The following LARGE1 variants were observed in gnomAD, a reference collection of about 807,000 sequenced individuals.
LARGE1 encodes the protein LARGE xylosyl- and glucuronyltransferase 1, also known as xylosyl- and glucuronyltransferase LARGE1.
A neutral mutation model predicts 87.6 loss-of-function variants in LARGE1; 43 were observed. That is an observed-to-expected ratio of 0.49 (90% confidence interval 0.38 to 0.63). The LOEUF (loss-of-function observed/expected upper bound fraction) is 0.63, where lower values mean the gene tolerates loss of function less well. Among genes scored for constraint, LARGE1 ranks in the 30% least tolerant of loss-of-function variants. The pLI, the probability that LARGE1 is intolerant of heterozygous loss-of-function variation, is 0.00. For missense variants in LARGE1, 802 were observed against 1,000.2 expected, an observed-to-expected ratio of 0.80 and a Z score of 2.67; for synonymous variants, 434 against 394.6, an observed-to-expected ratio of 1.10 and a Z score of -1.18.
At chr22:33,246,175 A>G (rs757390219) in intron 11 of LARGE1, among the ~76,000 whole-genome samples, 9 of 152,146 alleles carry the variant, frequency 5.9e-5, no homozygotes, top group Non-Finnish European at 1.3e-4. Flanking sequence ...TTAGGGTGAT[A>G]TGAGAATTTT....
At chr22:33,290,406 T>C (rs908645242) in intron 12 of LARGE1, among the ~76,000 whole-genome samples, 15 of 152,200 alleles carry the variant, frequency 9.9e-5, no homozygotes, top group Non-Finnish European at 1.9e-4. Flanking sequence ...AATTAATCTC[T>C]TGGTTCTGCA....
intron 1 of LARGE1, among the ~76,000 whole-genome samples, chr22:33,917,449 C>G (rs914151278): frequency 6.6e-6 from 1 of 152,098 alleles, no homozygotes; most frequent in Non-Finnish European, 1.5e-5. Context: ...GCAACTACAC[C>G]GTCAAATGTT....
rs761232777 is a variant in LARGE1 at position 33,337,705 on chromosome 22, T to A, written c.1228A>T (p.Asn410Tyr). ...CCAAACAGTTCCCGCCTCAGAAGAT[T>A]GCCGTCATACTCCAGGAAGGTCAGG... ...LYLTFLEYDG[N>Y]LLRRELFGCP... Residue 410 changes from asparagine (N) to tyrosine (Y), a missense_variant, in exon 10 of 15, where the codon AAT becomes TAT. Asn to Tyr is a moderately radical substitution (Grantham distance 143). Coordinates refer to ENST00000397394, the MANE Select transcript of LARGE1 (RefSeq NM_133642.5). 6.2e-7 allele frequency: 1 copy of A among 1,614,148 alleles called. No homozygotes were observed. Among genetic ancestry groups the A allele is most frequent in the South Asian group, 1.1e-5 (1 of 91,082 alleles).
chr22:33,890,100 G>A (rs2064965901), intron 1 of LARGE1, among the ~76,000 whole-genome samples: 1 of 152,244 alleles, frequency 6.6e-6, no homozygotes, highest in Non-Finnish European at 1.5e-5. Context: ...ACAGTGGTCT[G>A]AAGATAGAGG....
chr22:33,620,427 G>T (rs1358475831), intron 4 of LARGE1, among the ~76,000 whole-genome samples: 1 of 152,162 alleles, frequency 6.6e-6, no homozygotes, highest in African/African-American at 2.4e-5. Flanking sequence ...ACTGGGATTG[G>T]AGTCACAGGC....
chr22:33,628,556 T>A (rs1470639417), intron 3 of LARGE1, among the ~76,000 whole-genome samples: 1 of 152,138 alleles, frequency 6.6e-6, no homozygotes, highest in East Asian at 1.9e-4. Context: ...CCTCAAGTGA[T>A]CCACTCACCT....
chr22:33,171,865 G>A (rs1159978610), intron 11 of LARGE1, among the ~76,000 whole-genome samples: 2 of 152,252 alleles, frequency 1.3e-5, no homozygotes, highest in African/African-American at 2.4e-5. Flanking sequence ...GCACTGCCTA[G>A]TGAGAAGAGG....
chr22:33,823,273 T>C, intron 1 of LARGE1, among the ~76,000 whole-genome samples: 1 of 152,242 alleles, frequency 6.6e-6, no homozygotes, highest in South Asian at 2.1e-4. Context: ...TGTGTGTGTA[T>C]GTACACATGT....
chr22:33,120,363 T>TTTCC, the LARGE1 span, among the ~76,000 whole-genome samples: 137 of 84,960 alleles, frequency 1.6e-3, 2 homozygotes, highest in Non-Finnish European at 1.4e-3. Flanking sequence ...TTTCTTTTTC[T>TTTCC]TTCTTTCTTT....
chr22:33,819,950 AG>A (rs774426972), intron 1 of LARGE1, among the ~76,000 whole-genome samples: 40 of 152,158 alleles, frequency 2.6e-4, no homozygotes, highest in Admixed American at 5.2e-4. Flanking sequence ...CCCTACCCGC[AG>A]GTAATGCCCT....
At chr22:33,202,725 C>T (rs1378484555) in intron 11 of LARGE1, among the ~76,000 whole-genome samples, 1 of 152,144 alleles carries the variant, frequency 6.6e-6, no homozygotes, top group Middle Eastern at 3.2e-3. Flanking sequence ...CAACTGATAC[C>T]TAGAAACCCC....
At chr22:33,149,484 C>T in the LARGE1 span, among the ~76,000 whole-genome samples, 4 of 152,066 alleles carry the variant, frequency 2.6e-5, no homozygotes, top group Admixed American at 6.5e-5. Flanking sequence ...AGGTTTTCTC[C>T]TAAATATTTT....
chr22:33,492,395 C>T lies in LARGE1; in HGVS notation c.788-60130G>A, dbSNP rs114948988. On this transcript the variant is annotated intron_variant, in intron 6 of 14. Coordinates refer to ENST00000397394, the MANE Select transcript of LARGE1 (RefSeq NM_133642.5). ...TGAAGGCAAAGGAGTGGGGGGACTA[C>T]ACTGGGTGCAAACCACCTCCTGGGC... is the stretch of plus-strand genomic sequence containing the variant. 5.3e-3 allele frequency among the ~76,000 whole-genome samples: 811 copies of T among 152,328 alleles called. 5 individuals are homozygous for T. Among genetic ancestry groups the T allele is most frequent in the African/African-American group, 0.017 (724 of 41,578 alleles).
At chr22:33,613,323 G>A (rs2079494171) in intron 4 of LARGE1, among the ~76,000 whole-genome samples, 1 of 152,116 alleles carries the variant, frequency 6.6e-6, no homozygotes, top group Non-Finnish European at 1.5e-5. Context: ...CATGGCACAA[G>A]CACATGAAAA....
At chr22:33,195,576 T>A (rs1428588217) in intron 11 of LARGE1, among the ~76,000 whole-genome samples, 1 of 151,920 alleles carries the variant, frequency 6.6e-6, no homozygotes. Flanking sequence ...TTTACAATAA[T>A]GTATGGGTCA....
At chr22:33,593,224 G>T (rs541428807) in intron 5 of LARGE1, among the ~76,000 whole-genome samples, 1 of 151,058 alleles carries the variant, frequency 6.6e-6, no homozygotes, top group Non-Finnish European at 1.5e-5. Flanking sequence ...GATTTTCTTG[G>T]TAGAGACGGG....
At chr22:33,266,400 T>A (rs1454001976) in intron 11 of LARGE1, among the ~76,000 whole-genome samples, 1 of 151,170 alleles carries the variant, frequency 6.6e-6, no homozygotes, top group Non-Finnish European at 1.5e-5. Flanking sequence ...TTTTTCGTAT[T>A]TTTAGTAGAG....
intron 1 of LARGE1, among the ~76,000 whole-genome samples, chr22:33,765,093 CTGCT>C (rs2084858493): frequency 3.3e-5 from 5 of 152,240 alleles, no homozygotes; most frequent in Non-Finnish European, 7.4e-5. Flanking sequence ...TTGCATATAG[CTGCT>C]TATGTAATTC....
chr22:33,517,692 C>CGG (rs954058480), intron 6 of LARGE1, among the ~76,000 whole-genome samples: 28 of 152,190 alleles, frequency 1.8e-4, no homozygotes, highest in African/African-American at 5.8e-4. Context: ...AGCCACTGTG[C>CGG]CGGGCCGCCC....
Sources: gnomAD v4.1 joint callset for allele counts (sites outside exome capture counted in the v4.1 genomes callset) on GRCh38, gnomAD v4.1.1 for gene constraint, MANE v1.5 for transcripts, NCBI Gene and HGNC (gene_info 2026-07-23, HGNC 2026-07-21) for gene names.